Variants in CNTNAP4 observed in about 807,000 individuals in gnomAD.
CNTNAP4 encodes the protein contactin-associated protein-like 4.
CNTNAP4 carries 98 observed loss-of-function variants against 148.4 expected under a neutral mutation model. That is an observed-to-expected ratio of 0.66 (90% CI 0.56 to 0.78). The LOEUF is 0.78. Ranked by LOEUF, CNTNAP4 falls within the 30% of genes least tolerant of loss-of-function variation. The pLI is 0.00. For missense variants in CNTNAP4, 1,935 were observed against 1,565.6 expected (o/e 1.24, Z -3.98); for synonymous variants, 730 against 565.1 (o/e 1.29, Z -4.14).
chr16:76,466,315 T>G (rs1237232678), intron 9 of CNTNAP4, among the ~76,000 whole-genome samples: 1 of 152,146 alleles, frequency 6.6e-6, no homozygotes, highest in African/African-American at 2.4e-5. Flanking sequence ...CAAAATACAG[T>G]TAGAATGAAT....
chr16:76,330,730 C>G (rs1213736096), intron 2 of CNTNAP4, among the ~76,000 whole-genome samples: 2 of 152,162 alleles, frequency 1.3e-5, no homozygotes, highest in Non-Finnish European at 2.9e-5. Flanking sequence ...GCTCTTAGCA[C>G]TACATGACAT....
At chr16:76,532,414 T>C (rs2084025326) in intron 17 of CNTNAP4, among the ~76,000 whole-genome samples, 1 of 152,058 alleles carries the variant, frequency 6.6e-6, no homozygotes, top group Admixed American at 6.6e-5. Flanking sequence ...CAAAACAAAC[T>C]AAACAAACAC....
chr16:76,460,773 A>AAAAAAAAAAAAAAATATATATATAT, intron 8 of CNTNAP4, among the ~76,000 whole-genome samples: 4 of 57,326 alleles, frequency 7.0e-5, no homozygotes, highest in Non-Finnish European at 6.6e-5. Flanking sequence ...AAAAAAAAAA[A>AAAAAAAAAAAAAAATATATATATAT]ATATATATAT....
chr16:76,397,691 T>G (rs979372076), intron 3 of CNTNAP4, among the ~76,000 whole-genome samples: 2 of 151,732 alleles, frequency 1.3e-5, no homozygotes, highest in African/African-American at 4.8e-5. Flanking sequence ...TAATAAGGCC[T>G]GGACCATAAA....
chr16:76,530,075 T>C (rs559777706), intron 17 of CNTNAP4, among the ~76,000 whole-genome samples: 1 of 152,312 alleles, frequency 6.6e-6, no homozygotes, highest in African/African-American at 2.4e-5. Flanking sequence ...GAATTCTTTA[T>C]ATATTTTAGG....
At chr16:76,394,769 A>C (rs1330685579) in intron 3 of CNTNAP4, among the ~76,000 whole-genome samples, 1 of 152,216 alleles carries the variant, frequency 6.6e-6, no homozygotes, top group Non-Finnish European at 1.5e-5. Flanking sequence ...ATGTCAGTAA[A>C]TGAACGTGTA....
At chr16:76,394,876 T>C (rs2078142037) in intron 3 of CNTNAP4, among the ~76,000 whole-genome samples, 1 of 152,134 alleles carries the variant, frequency 6.6e-6, no homozygotes, top group African/African-American at 2.4e-5. Context: ...TTTTATGTCT[T>C]CTCCCCCAGT....
chr16:76,521,156 AGCTTCCTTTGATACCGAG>A lies in CNTNAP4; in HGVS notation c.2388_2405del (p.Phe797_Ser802del). 6.3e-7 allele frequency: 1 copy of A among 1,585,030 alleles called. No individual in the cohort carries two copies. The highest frequency in any genetic ancestry group is 8.5e-7 in the Non-Finnish European group (1 of 1,171,698). ...ACAAAACAGGATCATTTTGGAATTC[AGCTTCCTTTGATACCGAG>A]GCTTCATATCTTCATTTTCCTACCT... On this transcript the variant is annotated inframe_deletion, in exon 16 of 24. Coordinates refer to ENST00000611870, the MANE Select transcript of CNTNAP4 (RefSeq NM_033401.5).
intron 3 of CNTNAP4, among the ~76,000 whole-genome samples, chr16:76,419,299 G>GC (rs1725522527): frequency 6.6e-6 from 1 of 151,938 alleles, no homozygotes; most frequent in Non-Finnish European, 1.5e-5. Flanking sequence ...CCCCAGTTGG[G>GC]AGAGGTTCTG....
chr16:76,527,780 A>G (rs768307035), intron 17 of CNTNAP4, among the ~76,000 whole-genome samples: 1 of 152,142 alleles, frequency 6.6e-6, no homozygotes, highest in Non-Finnish European at 1.5e-5. Flanking sequence ...AGATTTGTTC[A>G]TTTGCTTTAT....
At chr16:76,479,563 C>G in intron 12 of CNTNAP4, 25 bp downstream of exon 12, 1 of 1,592,638 alleles carries the variant, frequency 6.3e-7, no homozygotes, top group Non-Finnish European at 8.5e-7. Context: ...TTTTATTTTA[C>G]AGTTAAATTT....
At chr16:76,522,638 T>TTCCTTCCTTCCTTCC (rs2083509066) in intron 17 of CNTNAP4, among the ~76,000 whole-genome samples, 6 of 82,584 alleles carry the variant, frequency 7.3e-5, no homozygotes, top group African/African-American at 2.5e-4. Flanking sequence ...TCCTTCCTTC[T>TTCCTTCCTTCCTTCC]TTCTTTCTTT....
intron 2 of CNTNAP4, among the ~76,000 whole-genome samples, chr16:76,347,728 G>C (rs1965027008): frequency 6.6e-6 from 1 of 152,146 alleles, no homozygotes; most frequent in Admixed American, 6.6e-5. Context: ...TACAGCTTCT[G>C]AGATGGAAAA....
chr16:76,357,399 A>G (rs887169864), intron 3 of CNTNAP4, among the ~76,000 whole-genome samples: 1 of 152,190 alleles, frequency 6.6e-6, no homozygotes, highest in Non-Finnish European at 1.5e-5. Flanking sequence ...ACTGCCATTT[A>G]CCTTACTTGC....
At chr16:76,373,897 C>CAAAAAAAA (rs71382634) in intron 3 of CNTNAP4, among the ~76,000 whole-genome samples, 9 of 111,950 alleles carry the variant, frequency 8.0e-5, no homozygotes, top group Non-Finnish European at 1.3e-4. Flanking sequence ...CTCCATCTCA[C>CAAAAAAAA]AAAAAAAAAA....
chr16:76,422,368 T>TTTTA (rs10633606), intron 3 of CNTNAP4, among the ~76,000 whole-genome samples: 125,621 of 151,632 alleles, frequency 0.83, 52,184 homozygotes, highest in Non-Finnish European at 0.85. Flanking sequence ...TATCATTTAT[T>TTTTA]TTTGACTCCA....
intron 10 of CNTNAP4, among the ~76,000 whole-genome samples, chr16:76,474,135 T>A (rs937831646): frequency 1.3e-5 from 2 of 152,198 alleles, no homozygotes; most frequent in Admixed American, 6.5e-5. Flanking sequence ...AACAGTGAGA[T>A]GAGGCCATCT....
chr16:76,539,943 C>T (rs2084378984), intron 20 of CNTNAP4, 91 bp downstream of exon 20: 2 of 895,946 alleles, frequency 2.2e-6, no homozygotes, highest in South Asian at 2.0e-5. Context: ...ACACAATAAG[C>T]AGAGACACTT....
chr16:76,288,715 C>T (rs1016355091), intron 1 of CNTNAP4, among the ~76,000 whole-genome samples: 1 of 152,126 alleles, frequency 6.6e-6, no homozygotes, highest in Non-Finnish European at 1.5e-5. Flanking sequence ...CAACATCTAG[C>T]ACAGTGCCTG....
Sources: gnomAD v4.1 joint callset for allele counts (sites outside exome capture counted in the v4.1 genomes callset) on GRCh38, gnomAD v4.1.1 for gene constraint, MANE v1.5 for transcripts, NCBI Gene and HGNC (gene_info 2026-07-23, HGNC 2026-07-21) for gene names.